Variants in USO1 observed in about 807,000 individuals in gnomAD.
The protein encoded by USO1 is general vesicular transport factor p115.
Under a neutral mutation model 124.5 loss-of-function variants are expected in USO1, and 57 were observed. The ratio of observed to expected loss-of-function variants is 0.46; its 90% CI spans 0.37 to 0.57. USO1 has a LOEUF of 0.57. Ranked by LOEUF, USO1 falls within the 20% of genes least tolerant of loss-of-function variation. The pLI is 0.00. For missense variants in USO1, 900 were observed against 1,040.6 expected, an observed-to-expected ratio of 0.86 and a Z score of 1.86; for synonymous variants, 369 against 362.8, an observed-to-expected ratio of 1.02 and a Z score of -0.19.
intron 8 of USO1, among the ~76,000 whole-genome samples, chr4:75,780,675 TCTCA>T (rs552106819): frequency 1.0e-3 from 118 of 118,170 alleles, no homozygotes; most frequent in African/African-American, 3.9e-3. Flanking sequence ...TGAGATGGAG[TCTCA>T]CTCTGTCCCC....
In USO1 at chr4:75,812,222, T is replaced by C. The variant is rs762456448; in HGVS notation, c.2646T>C (p.Asn882=). 2 of 1,610,282 alleles carry C rather than the reference T, an allele frequency of 1.2e-6. No individual in the cohort carries two copies. Among genetic ancestry groups the C allele is most frequent in the Non-Finnish European group, 1.7e-6 (2 of 1,178,212 alleles). ...TAIKEQLDSS[N]STIAILQTEK... The stretch of plus-strand genomic sequence containing the variant: ...TTAAAGAGCAGCTGGATTCATCTAA[T>C]AGTACCATTGCCATTTTACAAACTG... The change falls in exon 23 of 24, where the codon AAT becomes AAC. Residue 882 remains asparagine, a synonymous_variant. Transcript: ENST00000514213.
chr4:75,762,600 T>C (rs1223591750), intron 4 of USO1, among the ~76,000 whole-genome samples: 1 of 152,094 alleles, frequency 6.6e-6, no homozygotes, highest in African/African-American at 2.4e-5. Context: ...TTCACAAAAC[T>C]AGTTTATAGA....
rs1487669578 is a variant in USO1 at position 75,793,685 on chromosome 4, T to G, written c.1241-5T>G. The G allele has an allele frequency of 6.2e-7, 1 of 1,600,560 alleles. No homozygotes were observed. The highest frequency in any genetic ancestry group is 1.1e-5 in the South Asian group (1 of 89,510). On this transcript the variant is annotated splice_polypyrimidine_tract_variant and splice_region_variant and intron_variant, in intron 12 of 23. Coordinates refer to ENST00000514213, the MANE Select transcript of USO1 (RefSeq NM_003715.4). ...ATTTTTATTGTCTGCCTGCCATCTT[T>G]GTAGCAACAGGTAATTCAGTTTCAG...
At chr4:75,760,478 A>G (rs1210089878) in intron 4 of USO1, 3 of 376,794 alleles carry the variant, frequency 8.0e-6, no homozygotes, top group East Asian at 3.8e-5. Flanking sequence ...CTTCCAAAGG[A>G]TTATGTAGCT....
chr4:75,745,335 T>C (rs763449698), intron 1 of USO1: 48 of 519,890 alleles, frequency 9.2e-5, no homozygotes, highest in Admixed American at 7.2e-4. Flanking sequence ...GTCAAAGGCT[T>C]GTCAGGGTGT....
chr4:75,774,138 C>T (rs1722008336), intron 7 of USO1, among the ~76,000 whole-genome samples: 1 of 152,166 alleles, frequency 6.6e-6, no homozygotes, highest in Non-Finnish European at 1.5e-5. Flanking sequence ...TTGTGTTGGA[C>T]ATGCCATTCA....
intron 1 of USO1, chr4:75,744,993 A>G (rs1014471208): frequency 2.2e-6 from 1 of 445,984 alleles, no homozygotes; most frequent in African/African-American, 2.0e-5. Flanking sequence ...AGCCTCTTAA[A>G]TTTAGGTCTT....
At chr4:75,753,601 C>G (rs1442475740) in intron 3 of USO1, among the ~76,000 whole-genome samples, 1 of 151,660 alleles carries the variant, frequency 6.6e-6, no homozygotes, top group Middle Eastern at 3.2e-3. Context: ...ACCTGTGGTC[C>G]CAGCTTCTCG....
At chr4:75,750,291 A>G (rs1490512686) in intron 1 of USO1, among the ~76,000 whole-genome samples, 1 of 151,930 alleles carries the variant, frequency 6.6e-6, no homozygotes, top group Non-Finnish European at 1.5e-5. Flanking sequence ...AAAATTAGCC[A>G]GATGTAGTTG....
Position 75,800,614 on chromosome 4 carries a change from G to T in USO1, c.1683-4G>T, listed in dbSNP as rs370387267. ...AAAGCATCTCAATATGCTTATCTCCGTAGAGAGAAGCTAAAACAACTGATT... is the reference window on the plus strand; with the variant it reads ...AAAGCATCTCAATATGCTTATCTCCTTAGAGAGAAGCTAAAACAACTGATT... On this transcript the variant is annotated splice_polypyrimidine_tract_variant and splice_region_variant and intron_variant, in intron 15 of 23. Coordinates refer to ENST00000514213, the MANE Select transcript of USO1 (RefSeq NM_003715.4). 59 of 1,549,614 alleles carry T rather than the reference G, an allele frequency of 3.8e-5. No individual in the cohort carries two copies. In the South Asian group the frequency reaches 5.4e-4, roughly 14 times the overall value.
At chr4:75,784,780 C>T (rs986540039) in intron 9 of USO1, among the ~76,000 whole-genome samples, 1 of 149,894 alleles carries the variant, frequency 6.7e-6, no homozygotes, top group Admixed American at 6.6e-5. Flanking sequence ...CAGAGTGAGA[C>T]TCTATCTCAG....
chr4:75,744,455 T>A (rs1348709256), intron 1 of USO1, among the ~76,000 whole-genome samples: 1 of 152,242 alleles, frequency 6.6e-6, no homozygotes, highest in East Asian at 1.9e-4. Flanking sequence ...AGTCTCACTC[T>A]GTCGCCCAGG....
At chr4:75,778,808 A>T (rs1384736582) in intron 8 of USO1, among the ~76,000 whole-genome samples, 1 of 152,168 alleles carries the variant, frequency 6.6e-6, no homozygotes, top group Non-Finnish European at 1.5e-5. Flanking sequence ...TCATTTATGA[A>T]TTGTATTGCA....
chr4:75,806,743 T>C (rs936431414), intron 20 of USO1, among the ~76,000 whole-genome samples, 171 bp downstream of exon 20: 1 of 152,212 alleles, frequency 6.6e-6, no homozygotes, highest in Admixed American at 6.5e-5. Flanking sequence ...TAATAGTACT[T>C]TGCTTTTTAT....
chr4:75,734,224 G>C (rs774825372), intron 1 of USO1, among the ~76,000 whole-genome samples: 8 of 152,024 alleles, frequency 5.3e-5, no homozygotes, highest in African/African-American at 1.7e-4. Flanking sequence ...GATTACAGGC[G>C]TAAGCCACCA....
intron 10 of USO1, 103 bp from the exon 11 acceptor site, chr4:75,790,047 T>TAAAA (rs67037358): frequency 3.0e-6 from 3 of 1,005,866 alleles, no homozygotes; most frequent in South Asian, 2.4e-5. Context: ...TAAAGTATAA[T>TAAAA]AAAAAAAAAA....
At chr4:75,732,443 AG>A (rs1259566586) in intron 1 of USO1, among the ~76,000 whole-genome samples, 2 of 152,176 alleles carry the variant, frequency 1.3e-5, no homozygotes, top group African/African-American at 4.8e-5. Context: ...ACATCTTTGC[AG>A]TTGTGAATAG....
At chr4:75,791,540 A>G (rs984726175) in intron 12 of USO1, among the ~76,000 whole-genome samples, 7 of 152,162 alleles carry the variant, frequency 4.6e-5, no homozygotes, top group African/African-American at 1.2e-4. Flanking sequence ...AAAAATTAAG[A>G]AAAAGAAGAT....
At position 75,724,695 on chromosome 4, in the gene USO1, G is replaced by A. The variant is rs1369161468; in HGVS notation, c.-125G>A. 7.4e-6 allele frequency: 7 copies of A among 945,276 alleles called. No individual in the cohort carries two copies. Among genetic ancestry groups the A allele is most frequent in the African/African-American group, 1.7e-5 (1 of 58,366 alleles). The allele number at this position is 945,276 out of a possible 1,614,324, so 58.6% of individuals were successfully genotyped here. On this transcript the variant is annotated 5_prime_UTR_variant, in exon 1 of 24. Transcript: ENST00000514213. ...GGGCTGGAGTGGCCGCCGAGTTGGAGGCGGTGGTGGCAGCAGTAGGAGTGT... is the reference window on the plus strand; with the variant it reads ...GGGCTGGAGTGGCCGCCGAGTTGGAAGCGGTGGTGGCAGCAGTAGGAGTGT...
Sources: allele counts gnomAD v4.1 joint callset (sites outside exome capture counted in the v4.1 genomes callset), GRCh38; gene constraint gnomAD v4.1.1; transcripts MANE v1.5; gene names NCBI Gene and HGNC (gene_info 2026-07-23, HGNC 2026-07-21).